Variants in DYM observed in about 807,000 individuals in gnomAD.
The protein encoded by DYM is dymeclin, also known as dyggve-Melchior-Clausen syndrome protein.
DYM carries 78 observed loss-of-function variants against 93.1 expected under a neutral mutation model. The observed-to-expected ratio is 0.84, with a 90% CI of 0.70 to 1.01. The LOEUF (loss-of-function observed/expected upper bound fraction) is 1.01. DYM is among the 50% of genes least tolerant of loss of function. The pLI, the probability that DYM is intolerant of heterozygous loss-of-function variation, is 0.00. For missense variants in DYM, 789 were observed against 845.0 expected, an observed-to-expected ratio of 0.93 and a Z score of 0.82; for synonymous variants, 321 against 319.7, an observed-to-expected ratio of 1.00 and a Z score of -0.04.
intron 16 of DYM, among the ~76,000 whole-genome samples, chr18:49,106,620 G>A (rs1246769939): frequency 1.3e-5 from 2 of 152,156 alleles, no homozygotes; most frequent in Non-Finnish European, 2.9e-5. Flanking sequence ...AAATCTCTCA[G>A]CATTTGCTTG....
intron 2 of DYM, among the ~76,000 whole-genome samples, chr18:49,426,852 T>G (rs938566701): frequency 3.3e-5 from 5 of 151,884 alleles, no homozygotes; most frequent in African/African-American, 1.2e-4. Flanking sequence ...ACGGGAAGTA[T>G]AGACTTCTTT....
intron 10 of DYM, among the ~76,000 whole-genome samples, chr18:49,281,577 G>A (rs898419357): frequency 3.3e-5 from 5 of 152,162 alleles, no homozygotes; most frequent in African/African-American, 1.2e-4. Flanking sequence ...TGATAGACTG[G>A]ATTAAGAAAA....
chr18:49,097,174 G>T, intron 17 of DYM: 1 of 588,334 alleles, frequency 1.7e-6, no homozygotes, highest in African/African-American at 1.9e-5. Context: ...TTTATTAACA[G>T]TATATGAATT....
chr18:49,289,732 T>C (rs1239147388), intron 8 of DYM, among the ~76,000 whole-genome samples: 1 of 8,378 alleles, frequency 1.2e-4, no homozygotes, highest in African/African-American at 3.2e-4. Context: ...TATGTGTATA[T>C]ATATATATAT....
intron 15 of DYM, among the ~76,000 whole-genome samples, chr18:49,136,240 C>G (rs564843017): frequency 3.3e-4 from 51 of 152,254 alleles, no homozygotes; most frequent in African/African-American, 1.2e-3. Context: ...AATGAAGAAT[C>G]CTTACTACAG....
chr18:49,287,594 C>T (rs1016224872), intron 8 of DYM, among the ~76,000 whole-genome samples: 4 of 151,696 alleles, frequency 2.6e-5, no homozygotes, highest in South Asian at 2.1e-4. Context: ...CTTAGAAATG[C>T]GCTGTCCAGG....
At chr18:49,393,051 G>GA (rs2069508779) in intron 2 of DYM, among the ~76,000 whole-genome samples, 1 of 115,752 alleles carries the variant, frequency 8.6e-6, no homozygotes, top group Non-Finnish European at 1.9e-5. Context: ...GGAGGAGGAG[G>GA]GGAGGAGGGG....
At chr18:49,444,217 T>C (rs1367890791) in intron 1 of DYM, among the ~76,000 whole-genome samples, 1 of 152,180 alleles carries the variant, frequency 6.6e-6, no homozygotes, top group African/African-American at 2.4e-5. Context: ...ACAGGTAAAT[T>C]TCATTTGTTC....
intron 1 of DYM, among the ~76,000 whole-genome samples, chr18:49,435,506 G>C (rs1421302931): frequency 2.0e-5 from 3 of 151,168 alleles, no homozygotes; most frequent in Non-Finnish European, 4.4e-5. Context: ...AAAACCACAA[G>C]GCCGGGCACA....
intron 15 of DYM, among the ~76,000 whole-genome samples, chr18:49,150,011 A>C (rs1409731492): frequency 6.6e-6 from 1 of 152,118 alleles, no homozygotes; most frequent in Admixed American, 6.5e-5. Context: ...CCAGCCTCAC[A>C]AAGTGTTTTT....
At chr18:49,295,440 G>T (rs770022425) in intron 8 of DYM, among the ~76,000 whole-genome samples, 5 of 152,148 alleles carry the variant, frequency 3.3e-5, no homozygotes, top group Non-Finnish European at 7.4e-5. Context: ...CAACTTTCAG[G>T]TCATATCCTT....
At chr18:49,144,366 A>G (rs548648511) in intron 15 of DYM, among the ~76,000 whole-genome samples, 1 of 152,202 alleles carries the variant, frequency 6.6e-6, no homozygotes, top group East Asian at 1.9e-4. Flanking sequence ...CAGGAGAAAC[A>G]TAATCTATGG....
intron 17 of DYM, among the ~76,000 whole-genome samples, chr18:49,080,149 C>CAGGGGG (rs1186307263): frequency 1.3e-4 from 1 of 7,922 alleles, no homozygotes; most frequent in African/African-American, 7.0e-4. Context: ...GGGCGGCTGG[C>CAGGGGG]CGGGGGGGGG....
intron 14 of DYM, chr18:49,206,023 G>GTTTTTTTTTTT (rs2092482387): frequency 2.4e-5 from 1 of 41,230 alleles, no homozygotes; most frequent in Non-Finnish European, 6.3e-5. Flanking sequence ...TTTTTGCGGA[G>GTTTTTTTTTTT]TCTTGCTCTG....
intron 1 of DYM, among the ~76,000 whole-genome samples, chr18:49,441,201 A>C (rs2081501305): frequency 2.6e-5 from 1 of 38,204 alleles, no homozygotes; most frequent in Non-Finnish European, 4.4e-5. Flanking sequence ...AATATATTAT[A>C]TATTATATAT....
At chr18:49,145,545 T>C (rs75356768) in intron 15 of DYM, among the ~76,000 whole-genome samples, 1 of 152,262 alleles carries the variant, frequency 6.6e-6, no homozygotes, top group Non-Finnish European at 1.5e-5. Context: ...ACTTTCTTTA[T>C]AGGTAACTGT....
At chr18:49,209,775 A>G in intron 13 of DYM, 60 bp from the exon 14 acceptor site, 1 of 1,111,966 alleles carries the variant, frequency 9.0e-7, no homozygotes, top group Non-Finnish European at 1.1e-6. Context: ...TTGAAAAAAT[A>G]AATCATTTTT....
At chr18:49,414,462 C>G (rs1194272186) in intron 2 of DYM, among the ~76,000 whole-genome samples, 1 of 152,090 alleles carries the variant, frequency 6.6e-6, no homozygotes, top group East Asian at 1.9e-4. Context: ...AGACTCAATT[C>G]CCAAATAGTG....
chr18:49,346,491 A>T (rs755011432), intron 6 of DYM, among the ~76,000 whole-genome samples: 46 of 152,298 alleles, frequency 3.0e-4, no homozygotes, highest in Middle Eastern at 3.4e-3. Context: ...GGCCTGAAGT[A>T]GTCAGGCCCA....
Sources: allele counts gnomAD v4.1 joint callset (sites outside exome capture counted in the v4.1 genomes callset), GRCh38; gene constraint gnomAD v4.1.1; transcripts MANE v1.5; gene names NCBI Gene and HGNC (gene_info 2026-07-23, HGNC 2026-07-21).